The following DLGAP2 variants were observed in gnomAD, a reference collection of about 807,000 sequenced individuals.
DLGAP2 encodes the protein disks large-associated protein 2.
A neutral mutation model predicts 100.3 loss-of-function variants in DLGAP2; 26 were observed. That is an observed-to-expected ratio of 0.26 (90% CI 0.19 to 0.36). The LOEUF is 0.36. Ranked by LOEUF, DLGAP2 falls within the 10% of genes least tolerant of loss-of-function variation. DLGAP2 has a pLI of 1.00. For missense variants in DLGAP2, 1,858 were observed against 1,453.2 expected (o/e 1.28, Z -4.53); for synonymous variants, 886 against 630.1 (o/e 1.41, Z -6.08).
chr8:1,147,822 A>G (rs899674198), intron 2 of DLGAP2, among the ~76,000 whole-genome samples: 8 of 152,218 alleles, frequency 5.3e-5, no homozygotes, highest in African/African-American at 1.9e-4. Flanking sequence ...ATCATAAATG[A>G]AATTTTGATT....
chr8:1,411,480 G>T (rs1232290304), intron 3 of DLGAP2, among the ~76,000 whole-genome samples: 1 of 152,184 alleles, frequency 6.6e-6, no homozygotes, highest in African/African-American at 2.4e-5. Context: ...ACTCCATCCT[G>T]CTTGCCTCCG....
intron 2 of DLGAP2, among the ~76,000 whole-genome samples, chr8:1,121,485 A>T (rs578166514): frequency 6.6e-6 from 1 of 151,310 alleles, no homozygotes; most frequent in Non-Finnish European, 1.5e-5. Flanking sequence ...TCTAGAACCC[A>T]TGACCTCCCA....
intron 2 of DLGAP2, among the ~76,000 whole-genome samples, chr8:999,117 G>A (rs183029822): frequency 2.6e-5 from 4 of 152,134 alleles, no homozygotes; most frequent in African/African-American, 9.6e-5. Context: ...AACCTAGTTA[G>A]GACATTTTCT....
chr8:1,201,809 CGTGTGT>C (rs1563250027), intron 2 of DLGAP2, among the ~76,000 whole-genome samples: 1 of 152,172 alleles, frequency 6.6e-6, no homozygotes, highest in East Asian at 1.9e-4. Context: ...CCTCTGTGTA[CGTGTGT>C]GCGGTGTAGG....
At chr8:1,173,909 A>G (rs13268317) in intron 2 of DLGAP2, among the ~76,000 whole-genome samples, 3 of 151,874 alleles carry the variant, frequency 2.0e-5, no homozygotes, top group Non-Finnish European at 4.4e-5. Flanking sequence ...CACCTCTGGC[A>G]CTCCCTAGTG....
At chr8:1,090,323 C>A (rs1414169987) in intron 2 of DLGAP2, among the ~76,000 whole-genome samples, 1 of 132,750 alleles carries the variant, frequency 7.5e-6, no homozygotes, top group African/African-American at 2.5e-5. Flanking sequence ...CACCGAGGAC[C>A]TGCTCCATGT....
chr8:1,037,404 C>G (rs1231860346), intron 2 of DLGAP2, among the ~76,000 whole-genome samples: 1 of 152,158 alleles, frequency 6.6e-6, no homozygotes, highest in African/African-American at 2.4e-5. Context: ...TTATCATTGA[C>G]TCAGACTGTG....
chr8:1,410,261 C>G (rs78451049), intron 3 of DLGAP2, among the ~76,000 whole-genome samples: 1 of 152,190 alleles, frequency 6.6e-6, no homozygotes, highest in Non-Finnish European at 1.5e-5. Flanking sequence ...TTGTGAGGCA[C>G]TGGCAATGAG....
intron 2 of DLGAP2, among the ~76,000 whole-genome samples, chr8:1,210,724 C>A (rs983054429): frequency 2.0e-5 from 3 of 151,094 alleles, no homozygotes; most frequent in East Asian, 3.9e-4. Context: ...ACTGACCCCC[C>A]ACCCCCGGCC....
intron 2 of DLGAP2, among the ~76,000 whole-genome samples, chr8:1,184,868 C>T (rs917696129): frequency 6.6e-6 from 1 of 152,174 alleles, no homozygotes; most frequent in Non-Finnish European, 1.5e-5. Context: ...AGTTAAGGAT[C>T]TCCAGGTTGG....
At chr8:1,007,330 C>T (rs1801148618) in intron 2 of DLGAP2, among the ~76,000 whole-genome samples, 1 of 152,178 alleles carries the variant, frequency 6.6e-6, no homozygotes, top group Non-Finnish European at 1.5e-5. Context: ...CTCTCAGGTG[C>T]CCACGTCTCA....
At chr8:850,990 A>G (rs1337629342) in intron 1 of DLGAP2, among the ~76,000 whole-genome samples, 1 of 152,212 alleles carries the variant, frequency 6.6e-6, no homozygotes, top group Non-Finnish European at 1.5e-5. Context: ...GAGCTATGTG[A>G]TGAACAAGTA....
In DLGAP2 at chr8:1,433,128, C is replaced by G. The variant is rs544622198; in HGVS notation, c.107-68238C>G. Among the ~76,000 whole-genome samples the G allele has an allele frequency of 3.9e-5, 6 of 152,272 alleles. No individual in the cohort carries two copies. The South Asian group carries it at 1.2e-3, about 32-fold the overall frequency. On this transcript the variant is annotated intron_variant, in intron 3 of 14. Coordinates refer to ENST00000637795, the MANE Select transcript of DLGAP2 (RefSeq NM_001346810.2). ...TCCCCAGTGTGTGGGTGGGAGTCAG[C>G]AGGGGAGGAAGCCCCCGCCATGAGC...
intron 2 of DLGAP2, among the ~76,000 whole-genome samples, chr8:1,032,108 C>G (rs1355235142): frequency 1.3e-5 from 2 of 152,248 alleles, no homozygotes; most frequent in African/African-American, 4.8e-5. Context: ...ACATCTGCCC[C>G]TGGGTCTGCA....
chr8:1,468,533 C>G (rs1002745437), intron 3 of DLGAP2, among the ~76,000 whole-genome samples: 7 of 152,244 alleles, frequency 4.6e-5, no homozygotes, highest in African/African-American at 1.7e-4. Context: ...AGAACCACAC[C>G]TGTTCCAACA....
At chr8:1,255,621 G>C (rs1002973537) in intron 2 of DLGAP2, among the ~76,000 whole-genome samples, 2 of 141,112 alleles carry the variant, frequency 1.4e-5, no homozygotes, top group Non-Finnish European at 3.0e-5. Flanking sequence ...TTGCCTGGGT[G>C]CTGTGTGTGT....
chr8:1,053,685 T>C (rs1204474610), intron 2 of DLGAP2, among the ~76,000 whole-genome samples: 3 of 152,298 alleles, frequency 2.0e-5, no homozygotes, highest in African/African-American at 7.2e-5. Flanking sequence ...GACCCAGTCT[T>C]TCTGCCTGAC....
intron 2 of DLGAP2, among the ~76,000 whole-genome samples, chr8:1,169,266 G>A (rs1323738516): frequency 1.3e-5 from 2 of 152,208 alleles, no homozygotes; most frequent in Non-Finnish European, 2.9e-5. Context: ...CCAGTACCAT[G>A]CTGTTTTGGT....
intron 4 of DLGAP2, among the ~76,000 whole-genome samples, chr8:1,513,245 G>A (rs1403514760): frequency 7.2e-6 from 1 of 138,866 alleles, no homozygotes; most frequent in Non-Finnish European, 1.6e-5. Context: ...TGCAGGGCAA[G>A]ACGAGAGAGG....
Sources: gnomAD v4.1 joint callset for allele counts (sites outside exome capture counted in the v4.1 genomes callset) on GRCh38, gnomAD v4.1.1 for gene constraint, MANE v1.5 for transcripts, NCBI Gene and HGNC (gene_info 2026-07-23, HGNC 2026-07-21) for gene names.